The following PCCA variants were observed in gnomAD, a reference collection of about 807,000 sequenced individuals.
PCCA encodes propionyl-CoA carboxylase alpha chain, mitochondrial.
In PCCA, 74 loss-of-function variants were observed where a neutral mutation model predicts 101.3. The ratio of observed to expected loss-of-function variants is 0.73; its 90% CI spans 0.61 to 0.89. The LOEUF is 0.89. PCCA is among the 40% of genes least tolerant of loss of function. The pLI is 0.00. For synonymous variants in PCCA, 294 were observed against 313.6 expected (o/e 0.94, Z 0.66); for missense variants, 891 against 907.0 (o/e 0.98, Z 0.23).
At chr13:100,440,461 G>T (rs1322007830) in intron 20 of PCCA, among the ~76,000 whole-genome samples, 2 of 150,668 alleles carry the variant, frequency 1.3e-5, no homozygotes, top group South Asian at 2.1e-4. Context: ...TTTCTTTTCA[G>T]TTTTTTTTAG....
intron 4 of PCCA, among the ~76,000 whole-genome samples, chr13:100,121,840 C>T (rs2049433676): frequency 6.6e-6 from 1 of 152,254 alleles, no homozygotes; most frequent in Middle Eastern, 3.4e-3. Flanking sequence ...CATCTGGATG[C>T]TTTTTATTTC....
At chr13:100,295,737 T>C (rs2065474595) in intron 12 of PCCA, among the ~76,000 whole-genome samples, 1 of 152,240 alleles carries the variant, frequency 6.6e-6, no homozygotes, top group South Asian at 2.1e-4. Flanking sequence ...ACTGGGCCAC[T>C]ACTTACCAGC....
At chr13:100,442,201 C>T (rs2080427300) in intron 20 of PCCA, among the ~76,000 whole-genome samples, 2 of 152,052 alleles carry the variant, frequency 1.3e-5, no homozygotes, top group Admixed American at 1.3e-4. Context: ...ACCATGTTGG[C>T]CAGGCTGGCC....
intron 21 of PCCA, among the ~76,000 whole-genome samples, chr13:100,494,058 G>A (rs899068104): frequency 3.9e-5 from 6 of 152,046 alleles, no homozygotes; most frequent in African/African-American, 1.4e-4. Context: ...GTGTGGTGGT[G>A]CACGCCTGTA....
intron 16 of PCCA, among the ~76,000 whole-genome samples, chr13:100,322,834 C>T (rs1434601422): frequency 6.6e-6 from 1 of 152,128 alleles, no homozygotes; most frequent in Non-Finnish European, 1.5e-5. Flanking sequence ...CTTGACTTCC[C>T]AAAGTGCTGG....
At chr13:100,503,576 T>C (rs2085845640) in intron 21 of PCCA, among the ~76,000 whole-genome samples, 1 of 152,022 alleles carries the variant, frequency 6.6e-6, no homozygotes, top group South Asian at 2.1e-4. Flanking sequence ...TCAAGGATGT[T>C]GAATGGCCAA....
intron 22 of PCCA, 90 bp downstream of exon 22, chr13:100,515,657 C>A: frequency 6.7e-7 from 1 of 1,489,992 alleles, no homozygotes; most frequent in Non-Finnish European, 9.3e-7. Context: ...CGATTCGGCT[C>A]TTTGCAGTTC....
chr13:100,406,450 A>T (rs1017437334), intron 19 of PCCA, among the ~76,000 whole-genome samples: 1 of 152,174 alleles, frequency 6.6e-6, no homozygotes, highest in African/African-American at 2.4e-5. Context: ...CACGCCTGTA[A>T]TCCCAGCACT....
At chr13:100,223,950 C>T (rs956339656) in intron 7 of PCCA, among the ~76,000 whole-genome samples, 15 of 152,376 alleles carry the variant, frequency 9.8e-5, no homozygotes, top group Admixed American at 2.6e-4. Flanking sequence ...AAAGGTTCTC[C>T]ATGTCCTCAC....
intron 21 of PCCA, among the ~76,000 whole-genome samples, chr13:100,504,622 T>A (rs1462435256): frequency 6.6e-6 from 1 of 152,200 alleles, no homozygotes; most frequent in African/African-American, 2.4e-5. Context: ...ATTTCTGTGT[T>A]CTGAGGCTTC....
At position 100,306,663 on chromosome 13, in the gene PCCA, A is replaced by G. The variant is rs1188316131; in HGVS notation, c.1285-529A>G. Among the ~76,000 whole-genome samples, 4 of 149,398 alleles carry G rather than the reference A, an allele frequency of 2.7e-5. No individual in the cohort carries two copies. In the South Asian group the frequency reaches 6.3e-4, roughly 24 times the overall value. On this transcript the variant is annotated intron_variant, in intron 14 of 23. Transcript: ENST00000376285. ...AATTGGGGCTTTACAAAGCAAAGCC[A>G]TAGGAAAAGCTGTGTAAACATGAAA...
In PCCA at chr13:100,268,631, CCAT is replaced by C; in HGVS notation, c.820-53_820-51del. The C allele has an allele frequency of 3.3e-6, 4 of 1,196,558 alleles. No individual in the cohort carries two copies. The South Asian group carries it at 4.8e-5, about 14-fold the overall frequency. The allele number at this position is 1,196,558 out of a possible 1,614,324, so 74.1% of individuals were successfully genotyped here. ...AGATGTTGCATGCGGAAAATATTAA[CCAT>C]CATCTACTTTGTGGGTGTGGTTATA... On this transcript the variant is annotated intron_variant, in intron 10 of 23. Transcript: ENST00000376285.
chr13:100,474,901 C>T (rs914530542), intron 21 of PCCA, among the ~76,000 whole-genome samples: 1 of 152,146 alleles, frequency 6.6e-6, no homozygotes, highest in East Asian at 1.9e-4. Flanking sequence ...GTATAATTCA[C>T]CCACTTAAAA....
intron 18 of PCCA, among the ~76,000 whole-genome samples, chr13:100,347,625 A>G (rs1345059522): frequency 2.0e-5 from 3 of 152,198 alleles, no homozygotes; most frequent in African/African-American, 7.2e-5. Flanking sequence ...CAATCTTTAT[A>G]GTCTTTGCTA....
chr13:100,390,029 G>A (rs562148836), intron 19 of PCCA, among the ~76,000 whole-genome samples: 2 of 152,316 alleles, frequency 1.3e-5, no homozygotes, highest in East Asian at 3.9e-4. Context: ...GGCGCTGTGA[G>A]CCTCAGCTGC....
intron 4 of PCCA, among the ~76,000 whole-genome samples, chr13:100,132,232 TTA>T (rs2050588501): frequency 1.2e-5 from 1 of 80,682 alleles, no homozygotes; most frequent in Non-Finnish European, 2.8e-5. Context: ...CATGTGTAGA[TTA>T]TGTCACTACT....
intron 16 of PCCA, among the ~76,000 whole-genome samples, chr13:100,329,066 G>A (rs61970475): frequency 1.4e-3 from 218 of 151,366 alleles, no homozygotes; most frequent in South Asian, 4.6e-3. Context: ...CATTTATTAG[G>A]TTGGTGTAAA....
chr13:100,278,026 C>G (rs372759463), intron 12 of PCCA, among the ~76,000 whole-genome samples: 32 of 152,116 alleles, frequency 2.1e-4, no homozygotes, highest in African/African-American at 7.7e-4. Flanking sequence ...GTAGTTGTTG[C>G]TTAAAACTCA....
At chr13:100,289,557 T>A (rs183269180) in intron 12 of PCCA, among the ~76,000 whole-genome samples, 2,268 of 152,050 alleles carry the variant, frequency 0.015, 53 homozygotes, top group African/African-American at 0.044. Context: ...TATTTAAAAA[T>A]TTTTTTTCTT....
Sources: gnomAD v4.1 joint callset for allele counts (sites outside exome capture counted in the v4.1 genomes callset) on GRCh38, gnomAD v4.1.1 for gene constraint, MANE v1.5 for transcripts, NCBI Gene and HGNC (gene_info 2026-07-23, HGNC 2026-07-21) for gene names.